Variants in GUCY1A2 observed in about 807,000 individuals in gnomAD.
The protein encoded by GUCY1A2 is guanylate cyclase 1 soluble subunit alpha 2.
GUCY1A2 carries 27 observed loss-of-function variants against 63.5 expected under a neutral mutation model. That is an observed-to-expected ratio of 0.43 (90% CI 0.31 to 0.59). The LOEUF is 0.59. GUCY1A2 is among the 20% of genes least tolerant of loss of function. GUCY1A2 has a pLI of 0.11. For missense variants in GUCY1A2, 768 were observed against 913.3 expected (o/e 0.84, Z 2.05); for synonymous variants, 364 against 343.5 (o/e 1.06, Z -0.66).
chr11:106,679,212 G>C lies in GUCY1A2; in HGVS notation c.*8337C>G, dbSNP rs958151432. ...AAACAAACTCTATATGAATTAACCA[G>C]TTACATGTAAGTGAAAAATCTTTGA... is the stretch of plus-strand genomic sequence containing the variant. On this transcript the variant is annotated 3_prime_UTR_variant, in exon 8 of 8. Transcript: ENST00000526355. 3 of 186,998 alleles carry C rather than the reference G, an allele frequency of 1.6e-5. No individual in the cohort carries two copies. The highest frequency in any genetic ancestry group is 3.4e-5 in the Non-Finnish European group (3 of 88,690). The allele number at this position is 186,998 out of a possible 1,614,324, so 11.6% of individuals were successfully genotyped here.
intron 4 of GUCY1A2, among the ~76,000 whole-genome samples, chr11:106,833,663 A>G (rs1859080480): frequency 6.6e-6 from 1 of 152,078 alleles, no homozygotes; most frequent in Admixed American, 6.6e-5. Flanking sequence ...AGTACACGCC[A>G]TGTAGGCACT....
chr11:106,778,770 T>C (rs1437192123), intron 5 of GUCY1A2, among the ~76,000 whole-genome samples: 2 of 152,122 alleles, frequency 1.3e-5, no homozygotes, highest in African/African-American at 4.8e-5. Flanking sequence ...TTATTGAATA[T>C]TTGCTAAATG....
At chr11:106,728,054 G>A (rs1437690168) in intron 6 of GUCY1A2, among the ~76,000 whole-genome samples, 1 of 152,108 alleles carries the variant, frequency 6.6e-6, no homozygotes, top group Non-Finnish European at 1.5e-5. Context: ...CCTCGTAAAT[G>A]TCCCATTTCA....
chr11:106,864,324 A>C (rs2135459631), intron 4 of GUCY1A2, among the ~76,000 whole-genome samples: 1 of 152,150 alleles, frequency 6.6e-6, no homozygotes, highest in African/African-American at 2.4e-5. Context: ...TAATTACATA[A>C]AAATGGGGTT....
intron 7 of GUCY1A2, among the ~76,000 whole-genome samples, chr11:106,704,162 C>A (rs1012589325): frequency 1.3e-5 from 2 of 152,158 alleles, no homozygotes; most frequent in African/African-American, 4.8e-5. Flanking sequence ...TGTAATCCTA[C>A]TAGCACACAT....
At chr11:106,746,721 C>T (rs916858380) in intron 6 of GUCY1A2, 19 of 719,598 alleles carry the variant, frequency 2.6e-5, no homozygotes, top group Non-Finnish European at 3.8e-5. Context: ...TTTTTATTTG[C>T]ATATACATAT....
At chr11:106,783,981 C>T (rs1376721897) in intron 5 of GUCY1A2, among the ~76,000 whole-genome samples, 3 of 152,168 alleles carry the variant, frequency 2.0e-5, no homozygotes, top group Non-Finnish European at 4.4e-5. Flanking sequence ...CTGTCTCCAG[C>T]TCCAGCCTTC....
At chr11:106,975,282 T>C (rs1378376858) in intron 3 of GUCY1A2, among the ~76,000 whole-genome samples, 1 of 152,156 alleles carries the variant, frequency 6.6e-6, no homozygotes, top group East Asian at 1.9e-4. Flanking sequence ...CATGCTTTAA[T>C]ACATGCTTCA....
chr11:106,948,170 A>T (rs1860856151), intron 3 of GUCY1A2, among the ~76,000 whole-genome samples: 1 of 152,178 alleles, frequency 6.6e-6, no homozygotes, highest in Admixed American at 6.5e-5. Context: ...AAAGTTTTTA[A>T]AATATTTTCC....
At chr11:106,912,566 T>C (rs1018102760) in intron 4 of GUCY1A2, among the ~76,000 whole-genome samples, 9 of 152,088 alleles carry the variant, frequency 5.9e-5, no homozygotes, top group South Asian at 2.1e-4. Flanking sequence ...ATTTTCCTTT[T>C]AAATTTGAGA....
At chr11:106,874,305 C>T (rs1027093589) in intron 4 of GUCY1A2, among the ~76,000 whole-genome samples, 4 of 151,916 alleles carry the variant, frequency 2.6e-5, no homozygotes, top group Non-Finnish European at 4.4e-5. Flanking sequence ...ATACAGAAAC[C>T]GAGTAGTCCA....
chr11:107,002,500 TACAAAC>T, intron 1 of GUCY1A2, among the ~76,000 whole-genome samples: 1 of 151,978 alleles, frequency 6.6e-6, no homozygotes, highest in East Asian at 1.9e-4. Context: ...AACAAGCTAA[TACAAAC>T]ACAAATAAAA....
intron 6 of GUCY1A2, among the ~76,000 whole-genome samples, chr11:106,750,074 A>C (rs2135384483): frequency 6.6e-6 from 1 of 152,148 alleles, no homozygotes; most frequent in Non-Finnish European, 1.5e-5. Flanking sequence ...AAGACTCAAA[A>C]CCAGAAAAGC....
intron 6 of GUCY1A2, chr11:106,746,695 A>G (rs1468255609): frequency 1.9e-5 from 19 of 1,025,478 alleles, no homozygotes; most frequent in Non-Finnish European, 2.8e-5. Context: ...AAAATAAAAA[A>G]TCAGTACTGT....
At chr11:106,830,122 CTTCAT>C (rs1565303435) in intron 4 of GUCY1A2, among the ~76,000 whole-genome samples, 2 of 152,138 alleles carry the variant, frequency 1.3e-5, no homozygotes, top group Non-Finnish European at 2.9e-5. Flanking sequence ...AAGAAAATAT[CTTCAT>C]TTCATTCATT....
intron 4 of GUCY1A2, among the ~76,000 whole-genome samples, chr11:106,877,419 A>C (rs2135468677): frequency 6.6e-6 from 1 of 152,214 alleles, no homozygotes; most frequent in African/African-American, 2.4e-5. Context: ...AGTAACCAAA[A>C]CAGCATGGTG....
At chr11:106,774,773 T>G (rs938256271) in intron 6 of GUCY1A2, among the ~76,000 whole-genome samples, 1 of 152,170 alleles carries the variant, frequency 6.6e-6, no homozygotes, top group Admixed American at 6.5e-5. Context: ...ATTGATAATT[T>G]CTTCAGTTCT....
intron 1 of GUCY1A2, among the ~76,000 whole-genome samples, chr11:107,009,434 TC>T (rs1322509608): frequency 6.6e-6 from 1 of 152,220 alleles, no homozygotes; most frequent in Non-Finnish European, 1.5e-5. Context: ...GGTGATAATG[TC>T]AAATTCACCC....
At chr11:106,709,857 T>C (rs1863057139) in intron 6 of GUCY1A2, among the ~76,000 whole-genome samples, 1 of 123,790 alleles carries the variant, frequency 8.1e-6, no homozygotes, top group Non-Finnish European at 1.7e-5. Flanking sequence ...AGTTATATAT[T>C]ATATACACGT....
Sources: gnomAD v4.1 joint callset for allele counts (sites outside exome capture counted in the v4.1 genomes callset) on GRCh38, gnomAD v4.1.1 for gene constraint, MANE v1.5 for transcripts, NCBI Gene and HGNC (gene_info 2026-07-23, HGNC 2026-07-21) for gene names.